The following SLIT3 variants were observed in gnomAD, a reference collection of about 807,000 sequenced individuals.
SLIT3 encodes slit guidance ligand 3.
SLIT3 carries 68 observed loss-of-function variants against 184.0 expected under a neutral mutation model. That is an observed-to-expected ratio of 0.37 (90% CI 0.30 to 0.45). SLIT3 has a LOEUF of 0.45. SLIT3 is among the 20% of genes least tolerant of loss of function. The pLI, the probability that SLIT3 is intolerant of heterozygous loss-of-function variation, is 1.00. For synonymous variants in SLIT3, 831 were observed against 828.6 expected, an observed-to-expected ratio of 1.00 and a Z score of -0.05; for missense variants, 1,707 against 2,026.0, an observed-to-expected ratio of 0.84 and a Z score of 3.02.
chr5:169,210,759 A>G (rs186760365), intron 3 of SLIT3, among the ~76,000 whole-genome samples: 4 of 151,046 alleles, frequency 2.6e-5, no homozygotes, highest in Non-Finnish European at 5.9e-5. Context: ...AAATGGGATG[A>G]AGACAGTTAG....
intron 4 of SLIT3, among the ~76,000 whole-genome samples, chr5:168,990,326 C>G (rs1755277536): frequency 6.6e-6 from 1 of 152,184 alleles, no homozygotes. Flanking sequence ...AACTCCAGCC[C>G]CAGCTCTAAA....
chr5:169,152,875 C>G (rs1762165466), intron 4 of SLIT3, among the ~76,000 whole-genome samples: 1 of 152,224 alleles, frequency 6.6e-6, no homozygotes, highest in African/African-American at 2.4e-5. Context: ...AACAGGCACT[C>G]CCACCTGGAC....
chr5:168,667,166 G>A (rs965166004), intron 35 of SLIT3, among the ~76,000 whole-genome samples: 1 of 152,224 alleles, frequency 6.6e-6, no homozygotes, highest in Non-Finnish European at 1.5e-5. Context: ...CTGCACTGCA[G>A]TGATGGCTGA....
chr5:168,753,159 G>A (rs1754775901), intron 17 of SLIT3, 61 bp from the exon 18 acceptor site: 1 of 1,575,870 alleles, frequency 6.3e-7, no homozygotes, highest in Non-Finnish European at 8.7e-7. Flanking sequence ...CCCAAATGGT[G>A]CCACGGTGGT....
At chr5:169,069,539 C>T (rs1462599736) in intron 4 of SLIT3, among the ~76,000 whole-genome samples, 2 of 152,078 alleles carry the variant, frequency 1.3e-5, no homozygotes, top group Non-Finnish European at 2.9e-5. Context: ...GAACTCAGAC[C>T]TATAGGAGTG....
chr5:169,181,293 T>C (rs1438041921), intron 4 of SLIT3, among the ~76,000 whole-genome samples: 5 of 152,334 alleles, frequency 3.3e-5, no homozygotes, highest in Non-Finnish European at 5.9e-5. Flanking sequence ...TGTGTGTGTG[T>C]GCGTGGTACG....
At chr5:169,184,423 A>C (rs1763268267) in intron 4 of SLIT3, among the ~76,000 whole-genome samples, 1 of 152,250 alleles carries the variant, frequency 6.6e-6, no homozygotes. Flanking sequence ...AACACCTTTC[A>C]TGCAGGATTC....
In SLIT3 at chr5:168,692,704, G is replaced by A. The variant is rs753471604; in HGVS notation, c.3083-4C>T. The A allele has an allele frequency of 3.7e-6, 6 of 1,610,752 alleles. No homozygotes were observed. The African/African-American group carries it at 6.7e-5, about 18-fold the overall frequency. ...ATCACCTCGTCGCATAGCTCACCTG[G>A]CACAGATGGGGGAGATAGCTCAGGC... On this transcript the variant is annotated splice_polypyrimidine_tract_variant and splice_region_variant and intron_variant, in intron 28 of 35. Coordinates refer to ENST00000519560, the MANE Select transcript of SLIT3 (RefSeq NM_003062.4).
intron 4 of SLIT3, among the ~76,000 whole-genome samples, chr5:168,884,346 G>A (rs528244413): frequency 6.6e-6 from 1 of 150,654 alleles, no homozygotes; most frequent in Non-Finnish European, 1.5e-5. Context: ...GCGTGGTCGG[G>A]GGGTGCAGAG....
chr5:169,247,208 T>G, intron 2 of SLIT3, among the ~76,000 whole-genome samples: 1 of 141,050 alleles, frequency 7.1e-6, no homozygotes. Flanking sequence ...AGAGCAAGAC[T>G]CTGTCTCAAA....
intron 1 of SLIT3, among the ~76,000 whole-genome samples, chr5:169,287,930 C>T (rs1470319321): frequency 6.6e-6 from 1 of 152,214 alleles, no homozygotes; most frequent in Non-Finnish European, 1.5e-5. Context: ...TAGACCCTTT[C>T]TCCCAGAGCA....
chr5:168,687,262 G>T, intron 29 of SLIT3, 146 bp from the exon 30 acceptor site: 1 of 907,732 alleles, frequency 1.1e-6, no homozygotes, highest in Non-Finnish European at 1.7e-6. Flanking sequence ...TGGCTCCACA[G>T]CAGGTTTCCC....
chr5:168,923,781 G>C (rs995679459), intron 4 of SLIT3, among the ~76,000 whole-genome samples: 1 of 152,222 alleles, frequency 6.6e-6, no homozygotes, highest in Non-Finnish European at 1.5e-5. Flanking sequence ...CTCTCAAAGT[G>C]CTGGGATTAC....
intron 1 of SLIT3, among the ~76,000 whole-genome samples, chr5:169,256,100 AT>A (rs111929375): frequency 4.0e-4 from 60 of 148,844 alleles, no homozygotes; most frequent in African/African-American, 1.0e-3. Context: ...TAGGTATACT[AT>A]TTTTTTTTTA....
At chr5:169,113,900 C>T (rs1421304435) in intron 4 of SLIT3, among the ~76,000 whole-genome samples, 3 of 152,030 alleles carry the variant, frequency 2.0e-5, no homozygotes, top group East Asian at 1.9e-4. Context: ...GTCATCTGCC[C>T]GTCTCAGCCT....
rs139078602 is a variant in SLIT3 at position 169,298,942 on chromosome 5, A to C, written c.197+1571T>G. ...TATTTCACTAACTCATGTGGCTAGC[A>C]CTGGTGTGACGAGGAGGGGAACTTA... is the stretch of plus-strand genomic sequence containing the variant. On this transcript the variant is annotated intron_variant, in intron 1 of 35. Transcript: ENST00000519560. 2.9e-3 allele frequency among the ~76,000 whole-genome samples: 438 copies of C among 152,338 alleles called. 1 individual carries two copies. The highest frequency in any genetic ancestry group is 0.014 in the Middle Eastern group (4 of 294).
intron 22 of SLIT3, among the ~76,000 whole-genome samples, 166 bp from the exon 23 acceptor site, chr5:168,722,493 C>T (rs527975158): frequency 5.3e-4 from 80 of 152,318 alleles, no homozygotes; most frequent in South Asian, 1.2e-3. Flanking sequence ...ATCCAGGAAG[C>T]GCACTGGCTT....
At chr5:169,213,930 AAAGT>A (rs1405172455) in intron 3 of SLIT3, among the ~76,000 whole-genome samples, 1 of 152,230 alleles carries the variant, frequency 6.6e-6, no homozygotes, top group Non-Finnish European at 1.5e-5. Context: ...GGTGTGGAAT[AAAGT>A]AAGAGTGGCC....
intron 20 of SLIT3, among the ~76,000 whole-genome samples, chr5:168,728,844 GA>G (rs1309342705): frequency 2.0e-5 from 3 of 151,872 alleles, no homozygotes; most frequent in African/African-American, 7.2e-5. Context: ...CATGAGCCTG[GA>G]AGGTCAAGGC....
Sources: gnomAD v4.1 joint callset for allele counts (sites outside exome capture counted in the v4.1 genomes callset) on GRCh38, gnomAD v4.1.1 for gene constraint, MANE v1.5 for transcripts, NCBI Gene and HGNC (gene_info 2026-07-23, HGNC 2026-07-21) for gene names.